The following SV2C variants were observed in gnomAD, a reference collection of about 807,000 sequenced individuals.
SV2C encodes the protein solute carrier family 22 member B3.
A neutral mutation model predicts 79.7 loss-of-function variants in SV2C; 49 were observed. That is an observed-to-expected ratio of 0.61 (90% CI 0.49 to 0.78). SV2C has a LOEUF of 0.78. Ranked by LOEUF, SV2C falls within the 30% of genes least tolerant of loss-of-function variation. SV2C has a pLI of 0.00. For missense variants in SV2C, 833 were observed against 912.9 expected, an observed-to-expected ratio of 0.91 and a Z score of 1.13; for synonymous variants, 334 against 333.2, an observed-to-expected ratio of 1.00 and a Z score of -0.03.
chr5:75,852,035 A>G, the SV2C span, among the ~76,000 whole-genome samples: 6 of 152,202 alleles, frequency 3.9e-5, no homozygotes, highest in African/African-American at 1.4e-4. Context: ...TGATTGCAAC[A>G]GAAGCACTGG....
intron 4 of SV2C, among the ~76,000 whole-genome samples, chr5:76,252,633 T>C (rs998729852): frequency 4.6e-5 from 7 of 152,230 alleles, no homozygotes; most frequent in African/African-American, 1.7e-4. Context: ...TCACTCTAAA[T>C]AGGCAAGTAA....
chr5:75,884,071 T>A, the SV2C span, among the ~76,000 whole-genome samples: 1 of 152,156 alleles, frequency 6.6e-6, no homozygotes, highest in African/African-American at 2.4e-5. Flanking sequence ...TGATTTTGGA[T>A]GCTATTGAAC....
chr5:76,176,308 A>G (rs561068957), intron 2 of SV2C, among the ~76,000 whole-genome samples: 1 of 152,254 alleles, frequency 6.6e-6, no homozygotes, highest in Non-Finnish European at 1.5e-5. Context: ...CAGTTTTCTA[A>G]GAAGAGCTGC....
chr5:75,976,558 G>A, the SV2C span, among the ~76,000 whole-genome samples: 1 of 151,836 alleles, frequency 6.6e-6, no homozygotes, highest in African/African-American at 2.4e-5. Context: ...TCCTTATATA[G>A]TCTTCCCAGA....
intron 3 of SV2C, among the ~76,000 whole-genome samples, chr5:76,206,922 C>G (rs1214686592): frequency 1.3e-5 from 2 of 152,130 alleles, no homozygotes; most frequent in Non-Finnish European, 2.9e-5. Context: ...TAAATAGAAG[C>G]CTTCTCTAAT....
chr5:76,109,297 G>C (rs1283324095), intron 1 of SV2C, among the ~76,000 whole-genome samples: 2 of 152,140 alleles, frequency 1.3e-5, no homozygotes, highest in African/African-American at 2.4e-5. Context: ...GAGATTACAA[G>C]AATAGTGCCA....
At chr5:75,905,196 T>C in the SV2C span, among the ~76,000 whole-genome samples, 4 of 152,126 alleles carry the variant, frequency 2.6e-5, no homozygotes, top group Non-Finnish European at 5.9e-5. Flanking sequence ...TACTCCAGGA[T>C]ATGTCCATGA....
chr5:76,189,599 G>A (rs1744033587), intron 2 of SV2C, among the ~76,000 whole-genome samples: 1 of 152,144 alleles, frequency 6.6e-6, no homozygotes, highest in African/African-American at 2.4e-5. Flanking sequence ...TAACCTATAA[G>A]CATACATTCG....
chr5:76,352,956 T>C lies in SV2C; in HGVS notation c.2001-174T>C, dbSNP rs868512277. ...TTTTTACCTCTTTTTTTTTTTTTTT[T>C]CCTGAGACAAGGTCTTGCTCTGTTG... On this transcript the variant is annotated intron_variant, in intron 12 of 12. Transcript: ENST00000322285. Among the ~76,000 whole-genome samples the C allele has an allele frequency of 1.5e-3, 219 of 148,652 alleles. 1 individual carries two copies. Among genetic ancestry groups the C allele is most frequent in the African/African-American group, 4.9e-3 (200 of 40,500 alleles).
chr5:75,884,186 G>T, the SV2C span, among the ~76,000 whole-genome samples: 1 of 152,096 alleles, frequency 6.6e-6, no homozygotes, highest in South Asian at 2.1e-4. Context: ...ATCAACTTTT[G>T]AGAAACACCA....
At chr5:76,193,550 A>G (rs992797836) in intron 2 of SV2C, among the ~76,000 whole-genome samples, 1 of 152,236 alleles carries the variant, frequency 6.6e-6, no homozygotes, top group Non-Finnish European at 1.5e-5. Flanking sequence ...ATTCAAAATA[A>G]TTAATAACAA....
chr5:76,009,279 G>A, the SV2C span, among the ~76,000 whole-genome samples: 5,662 of 152,284 alleles, frequency 0.037, 229 homozygotes, highest in African/African-American at 0.093. Context: ...TGGTGAGGCT[G>A]TGGAGAAAAG....
chr5:76,318,543 G>A (rs531661369), intron 12 of SV2C, among the ~76,000 whole-genome samples: 1 of 152,310 alleles, frequency 6.6e-6, no homozygotes, highest in African/African-American at 2.4e-5. Context: ...CCCACCAGGT[G>A]AGTCTAAGTG....
intron 4 of SV2C, among the ~76,000 whole-genome samples, chr5:76,215,949 G>C (rs1439600977): frequency 1.3e-5 from 2 of 151,452 alleles, no homozygotes; most frequent in Non-Finnish European, 2.9e-5. Context: ...GCCTGATGCT[G>C]TGAGACTGGA....
chr5:76,195,797 A>G (rs544597537), intron 3 of SV2C, among the ~76,000 whole-genome samples: 2 of 152,356 alleles, frequency 1.3e-5, no homozygotes, highest in South Asian at 2.1e-4. Context: ...TAAAATTTTT[A>G]TAACGAATGG....
Position 76,271,490 on chromosome 5 carries a change from C to G in SV2C, c.914-13672C>G, listed in dbSNP as rs187486114. On this transcript the variant is annotated intron_variant, in intron 4 of 12. Coordinates refer to ENST00000502798, the MANE Select transcript of SV2C (RefSeq NM_014979.4). ...TTGACCTAATAGATGTATGTAGACA[C>G]TGCACCCAATACCTGTAGGGTACAC... Among the ~76,000 whole-genome samples the G allele has an allele frequency of 3.1e-4, 47 of 152,282 alleles. 1 individual carries two copies. Among genetic ancestry groups the G allele is most frequent in the Non-Finnish European group, 1.3e-4 (9 of 68,032 alleles).
chr5:76,300,882 A>G lies in SV2C; in HGVS notation c.1790A>G (p.Asn597Ser). ...FLGTLAVLPG[N>S]IVSALLMDRI... ...GGGACATTGGCAGTATTGCCAGGGA[A>G]CATTGTGTCTGCTCTGCTGATGGAC... The change falls in exon 11 of 13, where the codon AAC becomes AGC. Residue 597 changes from asparagine (N) to serine (S), a missense_variant. Physicochemically the swap from Asn to Ser is conservative, Grantham distance 46. Coordinates refer to ENST00000502798, the MANE Select transcript of SV2C (RefSeq NM_014979.4). 3 of 1,614,142 alleles carry G rather than the reference A, an allele frequency of 1.9e-6. No individual in the cohort carries two copies. Among genetic ancestry groups the G allele is most frequent in the Non-Finnish European group, 1.7e-6 (2 of 1,179,980 alleles).
At chr5:76,018,542 G>A in the SV2C span, among the ~76,000 whole-genome samples, 1 of 152,268 alleles carries the variant, frequency 6.6e-6, no homozygotes, top group Non-Finnish European at 1.5e-5. Flanking sequence ...GCAAGATATT[G>A]CTAAGATATT....
the SV2C span, among the ~76,000 whole-genome samples, chr5:76,037,023 C>G: frequency 6.6e-6 from 1 of 152,180 alleles, no homozygotes; most frequent in Non-Finnish European, 1.5e-5. Flanking sequence ...ACCCTTTCTT[C>G]CAGTTGATCG....
Sources: gnomAD v4.1 joint callset for allele counts (sites outside exome capture counted in the v4.1 genomes callset) on GRCh38, gnomAD v4.1.1 for gene constraint, MANE v1.5 for transcripts, NCBI Gene and HGNC (gene_info 2026-07-23, HGNC 2026-07-21) for gene names.